Variants in ROBO2 observed in about 807,000 individuals in gnomAD.
ROBO2 encodes roundabout guidance receptor 2.
A neutral mutation model predicts 160.8 loss-of-function variants in ROBO2; 53 were observed. The ratio of observed to expected loss-of-function variants is 0.33; its 90% CI spans 0.26 to 0.41. ROBO2 has a LOEUF of 0.41. Among genes scored for constraint, ROBO2 ranks in the 10% least tolerant of loss-of-function variants. The pLI, the probability that ROBO2 is intolerant of heterozygous loss-of-function variation, is 1.00. For missense variants in ROBO2, 1,577 were observed against 1,722.4 expected (o/e 0.92, Z 1.49); for synonymous variants, 664 against 611.7 (o/e 1.09, Z -1.26).
At position 76,834,062 on chromosome 3, in the gene ROBO2, T is replaced by TTTCCTTCCTTTCTTTC. The variant is rs368797764; in HGVS notation, c.110-263950_110-263949insCCTTCCTTTCTTTCTT. On this transcript the variant is annotated intron_variant, in intron 2 of 26. Coordinates refer to the ROBO2 transcript ENST00000487694. ...TTCCTTTCTTTCTCTCCTTTCTTTCTTTTCTTTCTTTCTTTCTTTCTTTCT... is the reference window on the plus strand; with the variant it reads ...TTCCTTTCTTTCTCTCCTTTCTTTCTTTCCTTCCTTTCTTTCTTTCTTTCTTTCTTTCTTTCTTTCT... 2.2e-4 allele frequency among the ~76,000 whole-genome samples: 19 copies of TTTCCTTCCTTTCTTTC among 88,012 alleles called. 1 individual carries two copies. Among genetic ancestry groups the TTTCCTTCCTTTCTTTC allele is most frequent in the African/African-American group, 8.6e-4 (19 of 22,024 alleles). 57.7% of individuals were successfully genotyped at this position (88,012 alleles called of 152,430 possible). A position where few individuals can be genotyped will look rare whatever the true frequency, so the allele number is the denominator to read the frequency against.
chr3:77,046,422 C>T (rs1206161107), intron 1 of ROBO2, among the ~76,000 whole-genome samples: 2 of 152,140 alleles, frequency 1.3e-5, no homozygotes, highest in Admixed American at 1.3e-4. Context: ...AAAGATAGTA[C>T]CTCAGTTGAA....
At chr3:76,520,714 C>T (rs2081564408) in intron 2 of ROBO2, among the ~76,000 whole-genome samples, 1 of 152,162 alleles carries the variant, frequency 6.6e-6, no homozygotes, top group Non-Finnish European at 1.5e-5. Context: ...GCAAAATTTG[C>T]ATAAATCAAA....
intron 1 of ROBO2, among the ~76,000 whole-genome samples, chr3:75,927,039 A>G (rs1947320613): frequency 6.6e-6 from 1 of 152,184 alleles, no homozygotes; most frequent in Non-Finnish European, 1.5e-5. Context: ...GGATTCTAAT[A>G]TTTGAGTGTG....
chr3:77,344,420 AG>A lies in ROBO2; in HGVS notation c.389-132993del, dbSNP rs1462425552. Among the ~76,000 whole-genome samples, 12 of 152,240 alleles carry A rather than the reference AG, an allele frequency of 7.9e-5. 1 individual carries two copies. The South Asian group carries it at 2.3e-3, about 29-fold the overall frequency. Reference sequence around the variant, plus strand: ...GTGTTAGGAGGTAGAGCCTTTGGCAAGTGATTAGGCCATGAGGGCAGAGCCC... The same window carrying A: ...GTGTTAGGAGGTAGAGCCTTTGGCAATGATTAGGCCATGAGGGCAGAGCCC... On this transcript the variant is annotated intron_variant, in intron 2 of 25. Coordinates refer to ENST00000461745, the Ensembl canonical transcript of ROBO2.
At chr3:75,974,663 T>G (rs2065089119) in intron 2 of ROBO2, among the ~76,000 whole-genome samples, 1 of 151,644 alleles carries the variant, frequency 6.6e-6, no homozygotes, top group African/African-American at 2.4e-5. Context: ...AGTTATTCTC[T>G]AATGTTAGGT....
intron 2 of ROBO2, among the ~76,000 whole-genome samples, chr3:76,091,396 A>T (rs971301236): frequency 4.6e-5 from 7 of 152,186 alleles, no homozygotes; most frequent in African/African-American, 1.7e-4. Context: ...TCACTGCTAG[A>T]ATGGCCAAAA....
intron 2 of ROBO2, among the ~76,000 whole-genome samples, chr3:76,837,940 A>C (rs1334811260): frequency 6.6e-6 from 1 of 152,008 alleles, no homozygotes; most frequent in Non-Finnish European, 1.5e-5. Context: ...TTCAATTTGG[A>C]GTATTTTCCC....
intron 2 of ROBO2, among the ~76,000 whole-genome samples, chr3:76,436,300 T>C (rs2076681148): frequency 6.6e-6 from 1 of 152,202 alleles, no homozygotes; most frequent in South Asian, 2.1e-4. Flanking sequence ...CGCTGCACCA[T>C]ACACACACCA....
At chr3:76,211,100 T>C (rs1473810540) in intron 2 of ROBO2, among the ~76,000 whole-genome samples, 1 of 152,210 alleles carries the variant, frequency 6.6e-6, no homozygotes, top group African/African-American at 2.4e-5. Context: ...TCCACAGTTA[T>C]TTACTCACTC....
At chr3:77,070,290 C>A (rs1347535234) in intron 1 of ROBO2, among the ~76,000 whole-genome samples, 5 of 152,224 alleles carry the variant, frequency 3.3e-5, no homozygotes. Flanking sequence ...ATTACAACAA[C>A]CCTAGGAAAC....
At chr3:77,553,574 A>G (rs1277246230) in intron 8 of ROBO2, among the ~76,000 whole-genome samples, 1 of 151,992 alleles carries the variant, frequency 6.6e-6, no homozygotes, top group Non-Finnish European at 1.5e-5. Context: ...TGCAAAGGAA[A>G]AGTTTTTGAA....
chr3:77,195,555 A>G (rs942258508), intron 2 of ROBO2, among the ~76,000 whole-genome samples: 1 of 152,246 alleles, frequency 6.6e-6, no homozygotes, highest in Non-Finnish European at 1.5e-5. Context: ...TAACAATTGG[A>G]CATTTAAAGT....
At chr3:75,994,322 A>G (rs1176302680) in intron 2 of ROBO2, among the ~76,000 whole-genome samples, 1 of 152,172 alleles carries the variant, frequency 6.6e-6, no homozygotes, top group Non-Finnish European at 1.5e-5. Context: ...AAACAAAAAA[A>G]TTGATATGGT....
rs2078057557 is a variant in ROBO2 at position 76,461,015 on chromosome 3, T to C, written c.109+523413T>C. On this transcript the variant is annotated intron_variant, in intron 2 of 26. Transcript: ENST00000487694. ...TCAGAATACCACTGTATTAGGCCAT[T>C]CTTGCATTGCTATAAAGAAATACCT... Among the ~76,000 whole-genome samples, 2 of 152,232 alleles carry C rather than the reference T, an allele frequency of 1.3e-5. 1 individual carries two copies. The highest frequency in any genetic ancestry group is 4.1e-4 in the South Asian group (2 of 4,834).
chr3:76,394,314 C>T (rs1370567418), intron 2 of ROBO2, among the ~76,000 whole-genome samples: 1 of 152,086 alleles, frequency 6.6e-6, no homozygotes, highest in South Asian at 2.1e-4. Context: ...TCTTTTAGGG[C>T]AGGCCTGGTG....
At chr3:76,505,197 G>T (rs1264111325) in intron 2 of ROBO2, among the ~76,000 whole-genome samples, 1 of 152,080 alleles carries the variant, frequency 6.6e-6, no homozygotes, top group Non-Finnish European at 1.5e-5. Flanking sequence ...ATCACATTTA[G>T]ATCAATTAAT....
intron 2 of ROBO2, among the ~76,000 whole-genome samples, chr3:75,997,199 T>G (rs1034606079): frequency 1.3e-5 from 2 of 152,198 alleles, no homozygotes; most frequent in African/African-American, 4.8e-5. Flanking sequence ...TTAGCACATA[T>G]GTTAATGTTT....
chr3:76,520,633 C>A (rs1433700815), intron 2 of ROBO2, among the ~76,000 whole-genome samples: 4 of 152,132 alleles, frequency 2.6e-5, no homozygotes, highest in African/African-American at 9.7e-5. Flanking sequence ...TGTGACCAAT[C>A]TTTTAGTCCT....
At chr3:75,910,758 G>A (rs187580638) in intron 1 of ROBO2, among the ~76,000 whole-genome samples, 102 of 152,244 alleles carry the variant, frequency 6.7e-4, no homozygotes, top group African/African-American at 2.3e-3. Context: ...ATTGTGAAGA[G>A]ACTATAGTGT....
Sources: gnomAD v4.1 joint callset for allele counts (sites outside exome capture counted in the v4.1 genomes callset) on GRCh38, gnomAD v4.1.1 for gene constraint, MANE v1.5 for transcripts, NCBI Gene and HGNC (gene_info 2026-07-23, HGNC 2026-07-21) for gene names.